USO1: variants seen among roughly 807,000 people sequenced by gnomAD.
The protein encoded by USO1 is USO1 vesicle transport factor.
A neutral mutation model predicts 124.5 loss-of-function variants in USO1; 57 were observed. The ratio of observed to expected loss-of-function variants is 0.46; its 90% confidence interval spans 0.37 to 0.57. The LOEUF is 0.57. USO1 is among the 20% of genes least tolerant of loss of function. The probability of loss-of-function intolerance (pLI) is 0.00; values close to 1 mark genes in which losing one functional copy is unlikely to be tolerated. For synonymous variants in USO1, 369 were observed against 362.8 expected, an observed-to-expected ratio of 1.02 and a Z score of -0.19; for missense variants, 900 against 1,040.6, an observed-to-expected ratio of 0.86 and a Z score of 1.86.
At chr4:75,733,792 C>A (rs547494127) in intron 1 of USO1, among the ~76,000 whole-genome samples, 108 of 152,196 alleles carry the variant, frequency 7.1e-4, no homozygotes, top group African/African-American at 2.5e-3. Flanking sequence ...TTGATAGTTT[C>A]TTTTGCTGTG....
In USO1 at chr4:75,774,739, G is replaced by C; in HGVS notation, c.619G>C (p.Glu207Gln). The change falls in exon 8 of 24, where the codon GAA becomes CAA. Residue 207 changes from glutamate (E) to glutamine (Q), a missense_variant. Glu to Gln is a conservative substitution (Grantham distance 29, BLOSUM62 2). Coordinates refer to ENST00000514213, the MANE Select transcript of USO1 (RefSeq NM_003715.4). ...NGAIQKIVAF[E>Q]NAFERLLDII... is the part of the protein sequence containing the mutation. Reference sequence around the variant, plus strand: ...TGCAATCCAGAAAATTGTTGCTTTTGAAAATGCTTTCGAGAGACTACTGGA... The same window carrying C: ...TGCAATCCAGAAAATTGTTGCTTTTCAAAATGCTTTCGAGAGACTACTGGA... 3 of 1,613,726 alleles carry C rather than the reference G, an allele frequency of 1.9e-6. No individual in the cohort carries two copies. Among genetic ancestry groups the C allele is most frequent in the East Asian group, 2.2e-5 (1 of 44,834 alleles).
intron 1 of USO1, among the ~76,000 whole-genome samples, chr4:75,750,293 A>G (rs1721267088): frequency 1.3e-5 from 2 of 151,790 alleles, no homozygotes; most frequent in Non-Finnish European, 2.9e-5. Flanking sequence ...AATTAGCCAG[A>G]TGTAGTTGTG....
chr4:75,747,787 T>A (rs4446339), intron 1 of USO1, among the ~76,000 whole-genome samples: 79,244 of 148,078 alleles, frequency 0.54, 22,697 homozygotes, highest in East Asian at 0.81. Flanking sequence ...TTTTTTGTAT[T>A]TTTTTTTTTA....
intron 10 of USO1, among the ~76,000 whole-genome samples, chr4:75,789,819 A>G (rs956942657): frequency 1.3e-5 from 2 of 151,952 alleles, no homozygotes; most frequent in African/African-American, 4.8e-5. Flanking sequence ...AGAGAATAGT[A>G]TAGTTTTTGA....
chr4:75,798,235 G>GT lies in USO1; in HGVS notation c.1453-1378dup, dbSNP rs932800812. On this transcript the variant is annotated intron_variant, in intron 13 of 23. Coordinates refer to ENST00000514213, the MANE Select transcript of USO1 (RefSeq NM_003715.4). The stretch of plus-strand genomic sequence containing the variant: ...AAGATTCTGATTTAAATCTTACTCT[G>GT]TTTTTTTTTACTCATACATCAGCCA... Among the ~76,000 whole-genome samples the GT allele has an allele frequency of 2.5e-4, 37 of 150,846 alleles. No individual in the cohort carries two copies. The East Asian group carries it at 2.5e-3, about 10-fold the overall frequency.
rs1218241467 is a variant in USO1, at chr4:75,757,482, A to C, written c.219-15A>C. 6.7e-7 allele frequency: 1 copy of C among 1,486,110 alleles called. No homozygotes were observed. Among genetic ancestry groups the C allele is most frequent in the Non-Finnish European group, 9.0e-7 (1 of 1,115,252 alleles). 92.1% of individuals were successfully genotyped at this position (1,486,110 alleles called of 1,614,324 possible). A position where few individuals can be genotyped will look rare whatever the true frequency, so the allele number is the denominator to read the frequency against. The stretch of plus-strand genomic sequence containing the variant: ...TCATCAGCAGTGTATAAGTGTAATA[A>C]TTTCTTTTTTCCAGTTCAGATTCTG... On this transcript the variant is annotated splice_polypyrimidine_tract_variant and intron_variant, in intron 3 of 23. Transcript: ENST00000514213.
chr4:75,759,269 A>C (rs1721531529), intron 4 of USO1, among the ~76,000 whole-genome samples: 1 of 5,126 alleles, frequency 2.0e-4, no homozygotes, highest in Non-Finnish European at 4.8e-4. Flanking sequence ...TTTTTTCTGA[A>C]AATTTAGTCA....
At chr4:75,744,936 A>G (rs373350198) in intron 1 of USO1, 3 of 505,160 alleles carry the variant, frequency 5.9e-6, no homozygotes, top group African/African-American at 5.8e-5. Flanking sequence ...CTAGAAGTTG[A>G]ATTCCAAACA....
chr4:75,798,830 TTG>T (rs1163218837), intron 13 of USO1, among the ~76,000 whole-genome samples: 2 of 152,190 alleles, frequency 1.3e-5, no homozygotes, highest in Non-Finnish European at 2.9e-5. Flanking sequence ...AAGTTTTGTT[TTG>T]TTTTTTTAAA....
chr4:75,727,248 G>C (rs767763706), intron 1 of USO1, among the ~76,000 whole-genome samples: 18 of 152,154 alleles, frequency 1.2e-4, no homozygotes, highest in Non-Finnish European at 2.5e-4. Flanking sequence ...AAGAGTTGGA[G>C]CTAGAACATT....
In USO1 at chr4:75,748,951, A is replaced by AT. The variant is rs1203633558; in HGVS notation, c.67-3422_67-3421insT. ...AGTAGTTTTTCTAAGTAGTAAAAAA[A>AT]ATATATATATACATATATGTGTATA... On this transcript the variant is annotated intron_variant, in intron 1 of 23. Transcript: ENST00000514213. 2.7e-3 allele frequency among the ~76,000 whole-genome samples: 414 copies of AT among 151,822 alleles called. 1 individual carries two copies. Among genetic ancestry groups the AT allele is most frequent in the African/African-American group, 7.6e-3 (314 of 41,476 alleles).
Position 75,724,899 on chromosome 4 carries a change from C to T in USO1, c.66+14C>T. ...GAAGCCGAGACGGTGAGAGGAGCAGCGGGTCTGGGACTTGGGAAGGGGTCC... is the reference window on the plus strand; with the variant it reads ...GAAGCCGAGACGGTGAGAGGAGCAGTGGGTCTGGGACTTGGGAAGGGGTCC... On this transcript the variant is annotated intron_variant, in intron 1 of 23. Transcript: ENST00000514213. The T allele has an allele frequency of 6.2e-7, 1 of 1,612,258 alleles. No homozygotes were observed. The highest frequency in any genetic ancestry group is 8.5e-7 in the Non-Finnish European group (1 of 1,179,036).
intron 3 of USO1, among the ~76,000 whole-genome samples, chr4:75,753,676 C>T (rs1721350863): frequency 1.3e-5 from 2 of 152,102 alleles, no homozygotes; most frequent in African/African-American, 4.8e-5. Flanking sequence ...CGTGATCATA[C>T]CACTGTATTC....
At chr4:75,740,984 G>C (rs926901509) in intron 1 of USO1, among the ~76,000 whole-genome samples, 1 of 152,162 alleles carries the variant, frequency 6.6e-6, no homozygotes. Context: ...CTGTAACTGT[G>C]ATAGTTCTTG....
chr4:75,748,898 TGAGGTTCATGTTTTTAA>T (rs1721212363), intron 1 of USO1, among the ~76,000 whole-genome samples: 2 of 152,074 alleles, frequency 1.3e-5, no homozygotes, highest in African/African-American at 2.4e-5. Flanking sequence ...CTGAGAGTAA[TGAGGTTCATGTTTTTAA>T]GAGATAACTA....
chr4:75,738,055 G>A (rs1391899062), intron 1 of USO1, among the ~76,000 whole-genome samples: 4 of 151,682 alleles, frequency 2.6e-5, no homozygotes, highest in African/African-American at 7.3e-5. Context: ...GGCTGGTCTC[G>A]AACTCCTGAC....
chr4:75,729,286 A>T (rs10031532), intron 1 of USO1, among the ~76,000 whole-genome samples: 30,001 of 151,842 alleles, frequency 0.2, 3,158 homozygotes, highest in African/African-American at 0.24. Context: ...CATGCTTTTG[A>T]ATGTAAGCTT....
rs1302106224 is a variant in USO1, at chr4:75,791,301, ATAACC to A, written c.1240+508_1240+512del. Among the ~76,000 whole-genome samples the A allele has an allele frequency of 3.6e-4, 55 of 152,252 alleles. 1 individual carries two copies. Among genetic ancestry groups the A allele is most frequent in the Admixed American group, 3.5e-3 (54 of 15,286 alleles). On this transcript the variant is annotated intron_variant, in intron 12 of 23. Coordinates refer to ENST00000514213, the MANE Select transcript of USO1 (RefSeq NM_003715.4). ...CATTTTGGGAGGCCAAGGCGGGCAG[ATAACC>A]TAAGACCAGGAGTTCGAGACCAGCC...
chr4:75,799,852 G>C, intron 14 of USO1, 120 bp downstream of exon 14: 1 of 1,207,254 alleles, frequency 8.3e-7, no homozygotes. Context: ...TATCTGTGTT[G>C]CAACTTTTTA....
Sources: gnomAD v4.1 joint callset for allele counts (sites outside exome capture counted in the v4.1 genomes callset) on GRCh38, gnomAD v4.1.1 for gene constraint, MANE v1.5 for transcripts, NCBI Gene and HGNC (gene_info 2026-07-23, HGNC 2026-07-21) for gene names.